The following ADRA1A variants were observed in gnomAD, a reference collection of about 807,000 sequenced individuals.
ADRA1A encodes alpha-1A adrenergic receptor.
ADRA1A carries 31 observed loss-of-function variants against 29.6 expected under a neutral mutation model. The ratio of observed to expected loss-of-function variants is 1.05; its 90% CI spans 0.79 to 1.41. The LOEUF (loss-of-function observed/expected upper bound fraction) is 1.41, where lower values mean the gene tolerates loss of function less well. Among genes scored for constraint, ADRA1A ranks in the 40% most tolerant of loss-of-function variants. ADRA1A has a pLI of 0.00. For synonymous variants in ADRA1A, 311 were observed against 254.3 expected (o/e 1.22, Z -2.12); for missense variants, 619 against 601.1 (o/e 1.03, Z -0.31).
At chr8:26,790,754 GAAATA>G (rs929505974) in intron 2 of ADRA1A, among the ~76,000 whole-genome samples, 1 of 151,964 alleles carries the variant, frequency 6.6e-6, no homozygotes, top group African/African-American at 2.4e-5. Context: ...GTCAATTAAA[GAAATA>G]AAATAAAAAT....
intron 2 of ADRA1A, among the ~76,000 whole-genome samples, chr8:26,839,444 C>A (rs1380407472): frequency 6.6e-6 from 1 of 152,144 alleles, no homozygotes; most frequent in African/African-American, 2.4e-5. Context: ...AGGCGTGAGC[C>A]ACCATGCCCG....
chr8:26,811,207 TG>T lies in ADRA1A; in HGVS notation c.884-40542del, dbSNP rs144508058. ...CTTTCTTTCTTTTCTTTTTTTTTTT[TG>T]TTGAGACGGAGTCTCGCTCTGTCGC... On this transcript the variant is annotated intron_variant, in intron 2 of 2. Transcript: ENST00000380573. Among the ~76,000 whole-genome samples the T allele has an allele frequency of 2.4e-4, 36 of 151,904 alleles. 1 individual carries two copies. The highest frequency in any genetic ancestry group is 1.6e-3 in the East Asian group (8 of 5,160).
intron 2 of ADRA1A, among the ~76,000 whole-genome samples, chr8:26,828,230 C>T (rs926517686): frequency 6.6e-6 from 1 of 152,206 alleles, no homozygotes; most frequent in African/African-American, 2.4e-5. Flanking sequence ...ATACCACTTA[C>T]TTCACAAGTA....
intron 2 of ADRA1A, among the ~76,000 whole-genome samples, chr8:26,812,936 G>A (rs1415362180): frequency 1.3e-5 from 2 of 151,954 alleles, no homozygotes; most frequent in Admixed American, 1.3e-4. Flanking sequence ...AAAGTGCTGG[G>A]ATTACAGGCT....
intron 2 of ADRA1A, among the ~76,000 whole-genome samples, chr8:26,801,471 G>A (rs2130483516): frequency 6.6e-6 from 1 of 152,140 alleles, no homozygotes; most frequent in African/African-American, 2.4e-5. Context: ...TATGCCAACA[G>A]CAAACAGTTT....
At chr8:26,850,684 G>A (rs1054263962) in intron 2 of ADRA1A, among the ~76,000 whole-genome samples, 2 of 152,256 alleles carry the variant, frequency 1.3e-5, no homozygotes, top group East Asian at 3.9e-4. Context: ...TAGAGACGGG[G>A]TTTCACCTTG....
At chr8:26,799,741 T>C (rs573015003) in intron 2 of ADRA1A, among the ~76,000 whole-genome samples, 5 of 152,302 alleles carry the variant, frequency 3.3e-5, no homozygotes, top group Admixed American at 2.6e-4. Flanking sequence ...TGCAGCTCTC[T>C]GGGACAATAA....
intron 2 of ADRA1A, among the ~76,000 whole-genome samples, chr8:26,844,968 T>A (rs1298899822): frequency 6.6e-6 from 1 of 152,022 alleles, no homozygotes; most frequent in Non-Finnish European, 1.5e-5. Flanking sequence ...AGAAAGTTTA[T>A]GAATTTTTAT....
At chr8:26,786,719 A>G (rs1329094938) in intron 2 of ADRA1A, among the ~76,000 whole-genome samples, 1 of 145,800 alleles carries the variant, frequency 6.9e-6, no homozygotes, top group Non-Finnish European at 1.5e-5. Context: ...CCACCCATCC[A>G]TATACCTCAG....
intron 2 of ADRA1A, among the ~76,000 whole-genome samples, chr8:26,795,296 A>G (rs1808116410): frequency 6.6e-6 from 1 of 152,162 alleles, no homozygotes; most frequent in South Asian, 2.1e-4. Flanking sequence ...GAGACTCGAT[A>G]AGCATTCACA....
intron 2 of ADRA1A, among the ~76,000 whole-genome samples, chr8:26,854,915 C>A (rs536927852): frequency 5.9e-5 from 9 of 152,252 alleles, no homozygotes; most frequent in Middle Eastern, 3.4e-3. Context: ...AAAGAGGCCC[C>A]AGGGAGCTGC....
chr8:26,751,051 A>G (rs1053069005), intron 2 of ADRA1A, among the ~76,000 whole-genome samples: 1 of 149,734 alleles, frequency 6.7e-6, no homozygotes, highest in Non-Finnish European at 1.5e-5. Context: ...CCTGGGCAAC[A>G]AGAGCAAAAC....
In ADRA1A at chr8:26,866,540, C is replaced by G. The variant is rs989420955; in HGVS notation, c.-687+396G>C. ...TAAGAAACCTGGGTTTCCACAACTG[C>G]GAACCTACCGCAGGGACTCGGCAGG... On this transcript the variant is annotated intron_variant, in intron 1 of 2. Transcript: ENST00000380573. The surrounding 1 kb of genome is among the most constrained non-coding windows in gnomAD (Gnocchi z 5.7). 6.6e-6 allele frequency among the ~76,000 whole-genome samples: 1 copy of G among 152,180 alleles called. No individual in the cohort carries two copies. Among genetic ancestry groups the G allele is most frequent in the Non-Finnish European group, 1.5e-5 (1 of 68,042 alleles).
intron 2 of ADRA1A, among the ~76,000 whole-genome samples, chr8:26,757,775 T>A (rs931370940): frequency 6.6e-6 from 1 of 152,182 alleles, no homozygotes; most frequent in Non-Finnish European, 1.5e-5. Flanking sequence ...TGATGTTACA[T>A]CTTAGTTTTG....
At position 26,865,931 on chromosome 8, in the gene ADRA1A, T is replaced by C. The variant is rs1049959630; in HGVS notation, c.-686-276A>G. ...AAAACAAATCCCCAAAACCCCAGGC[T>C]CCAGCGCTCGAAGTCTGGATTTCGA... On this transcript the variant is annotated intron_variant, in intron 1 of 2. Coordinates refer to ENST00000380573, the MANE Select transcript of ADRA1A (RefSeq NM_000680.4). The surrounding 1 kb of genome is among the most constrained non-coding windows in gnomAD (Gnocchi z 7.6). 1.3e-5 allele frequency among the ~76,000 whole-genome samples: 2 copies of C among 152,024 alleles called. No homozygotes were observed. The highest frequency in any genetic ancestry group is 4.8e-5 in the African/African-American group (2 of 41,384).
intron 2 of ADRA1A, among the ~76,000 whole-genome samples, chr8:26,849,664 C>T (rs1231264396): frequency 6.6e-6 from 1 of 152,136 alleles, no homozygotes; most frequent in Non-Finnish European, 1.5e-5. Context: ...AATTTTAATA[C>T]CAGGTCACCC....
chr8:26,843,901 G>A (rs1025225659), intron 2 of ADRA1A, among the ~76,000 whole-genome samples: 1 of 152,182 alleles, frequency 6.6e-6, no homozygotes, highest in Non-Finnish European at 1.5e-5. Flanking sequence ...TGGCGAACAC[G>A]TGTTGTGCCA....
Position 26,864,204 on chromosome 8 carries a change from G to C in ADRA1A, c.766C>G (p.His256Asp), listed in dbSNP as rs756051939. The stretch of plus-strand genomic sequence containing the variant: ...AACTTGAGGAGCCTCACTGAGAAGT[G>C]CGTCTTGGTCTTGGCGCTGGCCATC... Reference protein sequence around the residue: ...SGMASAKTKTHFSVRLLKFSR... With the variant: ...SGMASAKTKTDFSVRLLKFSR... The change falls in exon 2 of 3, where the codon CAC (histidine) becomes GAC (aspartate). Residue 256 changes from histidine to aspartate, a missense_variant. By Grantham distance (81) the His-to-Asp change is moderately conservative (BLOSUM62 -1). Transcript: ENST00000380573. This position sits in a 1 kb window ranked among gnomAD's most constrained non-coding sequence, Gnocchi z 8.1. The C allele has an allele frequency of 1.9e-6, 3 of 1,614,072 alleles. No homozygotes were observed. In the East Asian group the frequency reaches 6.7e-5, roughly 36 times the overall value.
intron 2 of ADRA1A, among the ~76,000 whole-genome samples, chr8:26,839,702 T>C (rs1811678305): frequency 6.6e-6 from 1 of 152,190 alleles, no homozygotes; most frequent in Non-Finnish European, 1.5e-5. Context: ...CTGGGATTTA[T>C]TTTAAGAAAT....
Sources: gnomAD v4.1 joint callset for allele counts (sites outside exome capture counted in the v4.1 genomes callset) on GRCh38, gnomAD v4.1.1 for gene constraint, Gnocchi (gnomAD v3.1) non-coding constraint, MANE v1.5 for transcripts, NCBI Gene and HGNC (gene_info 2026-07-23, HGNC 2026-07-21) for gene names.